FAM135B: variants seen among roughly 807,000 people sequenced by gnomAD.
FAM135B encodes the protein family with sequence similarity 135 member B.
FAM135B carries 43 observed loss-of-function variants against 127.7 expected under a neutral mutation model. The observed-to-expected ratio is 0.34, with a 90% CI of 0.26 to 0.43. The LOEUF (loss-of-function observed/expected upper bound fraction) is 0.43. FAM135B is among the 20% of genes least tolerant of loss of function. The pLI, the probability that FAM135B is intolerant of heterozygous loss-of-function variation, is 1.00. For synonymous variants in FAM135B, 670 were observed against 665.1 expected, an observed-to-expected ratio of 1.01 and a Z score of -0.11; for missense variants, 1,558 against 1,725.6, an observed-to-expected ratio of 0.90 and a Z score of 1.72.
chr8:138,387,594 A>T (rs1832294627), intron 1 of FAM135B, among the ~76,000 whole-genome samples: 1 of 151,790 alleles, frequency 6.6e-6, no homozygotes, highest in Non-Finnish European at 1.5e-5. Context: ...GAGGGTTGGG[A>T]CTCCTATTTC....
chr8:138,159,253 T>G, intron 12 of FAM135B, among the ~76,000 whole-genome samples: 1 of 102,662 alleles, frequency 9.7e-6, no homozygotes, highest in African/African-American at 3.7e-5. Flanking sequence ...CAGTCCGGCC[T>G]GGGCGACAGA....
intron 7 of FAM135B, among the ~76,000 whole-genome samples, chr8:138,228,405 C>T (rs1283782114): frequency 6.6e-6 from 1 of 152,052 alleles, no homozygotes; most frequent in Non-Finnish European, 1.5e-5. Context: ...GCTGCAGGAG[C>T]GGGTGTTTTC....
chr8:138,279,124 C>CT (rs1824069234), intron 3 of FAM135B, among the ~76,000 whole-genome samples: 1 of 152,198 alleles, frequency 6.6e-6, no homozygotes, highest in African/African-American at 2.4e-5. Context: ...CTTTTTTCCA[C>CT]TTTCTTCTTC....
chr8:138,387,385 G>A (rs751352750), intron 1 of FAM135B, among the ~76,000 whole-genome samples: 10 of 152,122 alleles, frequency 6.6e-5, no homozygotes, highest in African/African-American at 1.9e-4. Context: ...TTGAGATGAC[G>A]GGGAGTCCAT....
chr8:138,224,832 C>A (rs779783507), intron 7 of FAM135B, among the ~76,000 whole-genome samples: 1 of 151,872 alleles, frequency 6.6e-6, no homozygotes, highest in Non-Finnish European at 1.5e-5. Context: ...AAATCCTGCA[C>A]GATCTCAGTT....
Position 138,426,000 on chromosome 8 carries a change from T to TATATATAC in FAM135B, c.-19-57999_-19-57998insGTATATAT, listed in dbSNP as rs1563992356. 1.9e-3 allele frequency among the ~76,000 whole-genome samples: 28 copies of TATATATAC among 14,508 alleles called. 1 individual carries two copies. Among genetic ancestry groups the TATATATAC allele is most frequent in the African/African-American group, 0.015 (24 of 1,618 alleles). 9.5% of individuals were successfully genotyped at this position (14,508 alleles called of 152,430 possible). ...ATATATATATATATATATATATATA[T>TATATATAC]ATATATATATATACACACACATACA... On this transcript the variant is annotated intron_variant, in intron 1 of 19. Coordinates refer to ENST00000395297, the MANE Select transcript of FAM135B (RefSeq NM_015912.4).
At chr8:138,180,057 G>A (rs1814862186) in intron 9 of FAM135B, among the ~76,000 whole-genome samples, 1 of 152,148 alleles carries the variant, frequency 6.6e-6, no homozygotes, top group African/African-American at 2.4e-5. Context: ...AGAGGCTTTG[G>A]GAGAAGACCC....
At chr8:138,237,007 T>C (rs542560115) in intron 7 of FAM135B, among the ~76,000 whole-genome samples, 2 of 152,240 alleles carry the variant, frequency 1.3e-5, no homozygotes, top group South Asian at 4.1e-4. Flanking sequence ...GAAATCTCCC[T>C]AAAGTCCGTG....
At chr8:138,165,384 T>A (rs6577881) in intron 12 of FAM135B, among the ~76,000 whole-genome samples, 8 of 151,982 alleles carry the variant, frequency 5.3e-5, no homozygotes, top group African/African-American at 1.9e-4. Flanking sequence ...CCTCCCAAAG[T>A]GCAGAGATTA....
In FAM135B at chr8:138,314,013, G is replaced by A. The variant is rs572349834; in HGVS notation, c.78-3093C>T. ...TGTGTACTCTTTGCTTTTTGTTGGT[G>A]TTCCACTGTTTGAGATGGACCCCAG... On this transcript the variant is annotated intron_variant, in intron 2 of 19. Coordinates refer to ENST00000395297, the MANE Select transcript of FAM135B (RefSeq NM_015912.4). Among the ~76,000 whole-genome samples, 254 of 152,106 alleles carry A rather than the reference G, an allele frequency of 1.7e-3. 2 individuals are homozygous for A. Among genetic ancestry groups the A allele is most frequent in the Non-Finnish European group, 2.7e-3 (184 of 67,990 alleles).
At chr8:138,289,975 G>A (rs1330393345) in intron 3 of FAM135B, among the ~76,000 whole-genome samples, 2 of 152,178 alleles carry the variant, frequency 1.3e-5, no homozygotes, top group Non-Finnish European at 1.5e-5. Flanking sequence ...AACAGGAAAC[G>A]TAGTTGTCAA....
At chr8:138,394,191 T>G (rs565061615) in intron 1 of FAM135B, among the ~76,000 whole-genome samples, 330 of 152,276 alleles carry the variant, frequency 2.2e-3, no homozygotes, top group African/African-American at 6.7e-3. Flanking sequence ...TGAGAATGAA[T>G]TTAGACATTT....
chr8:138,275,791 T>C (rs1327601646), intron 3 of FAM135B, among the ~76,000 whole-genome samples: 2 of 152,214 alleles, frequency 1.3e-5, no homozygotes, highest in Non-Finnish European at 2.9e-5. Context: ...CTATGGTTAA[T>C]TGGCCCTAAA....
chr8:138,263,626 T>G (rs923494582), intron 4 of FAM135B, among the ~76,000 whole-genome samples: 4 of 152,126 alleles, frequency 2.6e-5, no homozygotes, highest in African/African-American at 9.7e-5. Flanking sequence ...AACTGAAGGC[T>G]CCAATGAGTG....
chr8:138,273,491 A>ACCG (rs1273743180), intron 3 of FAM135B, among the ~76,000 whole-genome samples: 1 of 152,174 alleles, frequency 6.6e-6, no homozygotes, highest in Non-Finnish European at 1.5e-5. Flanking sequence ...GGTGTGAGCC[A>ACCG]CCGCCTCCAG....
At chr8:138,322,740 C>T (rs755823526) in intron 2 of FAM135B, among the ~76,000 whole-genome samples, 1 of 152,164 alleles carries the variant, frequency 6.6e-6, no homozygotes, top group African/African-American at 2.4e-5. Flanking sequence ...TAGACCTCAC[C>T]TAATGAGCTG....
Position 138,355,092 on chromosome 8 carries a change from G to T in FAM135B, c.77+12815C>A, listed in dbSNP as rs149530196. Reference sequence around the variant, plus strand: ...GTTCTCATTGTTCAATTTCCACAGAGAAATAGGAACACTTTTACACTGTTG... The same window carrying T: ...GTTCTCATTGTTCAATTTCCACAGATAAATAGGAACACTTTTACACTGTTG... On this transcript the variant is annotated intron_variant, in intron 2 of 19. Transcript: ENST00000395297. Among the ~76,000 whole-genome samples, 14 of 152,128 alleles carry T rather than the reference G, an allele frequency of 9.2e-5. No individual in the cohort carries two copies. In the East Asian group the frequency reaches 2.7e-3, roughly 30 times the overall value.
intron 7 of FAM135B, among the ~76,000 whole-genome samples, chr8:138,211,406 C>A (rs1156534996): frequency 6.6e-6 from 1 of 152,154 alleles, no homozygotes; most frequent in African/African-American, 2.4e-5. Flanking sequence ...CAACAGTTTC[C>A]TACAAAATCA....
chr8:138,131,693 T>C lies in FAM135B; in HGVS notation c.*900A>G, dbSNP rs1174921142. On this transcript the variant is annotated 3_prime_UTR_variant, in exon 20 of 20. Coordinates refer to ENST00000395297, the MANE Select transcript of FAM135B (RefSeq NM_015912.4). ...TTTAATGGATTTAATTTTTTGCAAT[T>C]GCATCAAATGCTAACATAGCATGTC... 6.6e-6 allele frequency: 1 copy of C among 152,632 alleles called. No individual in the cohort carries two copies. Among genetic ancestry groups the C allele is most frequent in the Admixed American group, 6.5e-5 (1 of 15,276 alleles). The allele number at this position is 152,632 out of a possible 1,614,324, so 9.5% of individuals were successfully genotyped here.
Sources: gnomAD v4.1 joint callset for allele counts (sites outside exome capture counted in the v4.1 genomes callset) on GRCh38, gnomAD v4.1.1 for gene constraint, MANE v1.5 for transcripts, NCBI Gene and HGNC (gene_info 2026-07-23, HGNC 2026-07-21) for gene names.